The following UBR3 variants were observed in gnomAD, a reference collection of about 807,000 sequenced individuals.
UBR3 encodes the protein E3 ubiquitin-protein ligase UBR3.
In UBR3, 85 loss-of-function variants were observed where a neutral mutation model predicts 243.2. The observed-to-expected ratio is 0.35, with a 90% CI of 0.29 to 0.42. The LOEUF (loss-of-function observed/expected upper bound fraction) is 0.42, where lower values mean the gene tolerates loss of function less well. UBR3 is among the 10% of genes least tolerant of loss of function. The probability of loss-of-function intolerance (pLI) is 1.00; values close to 1 mark genes in which losing one functional copy is unlikely to be tolerated. For synonymous variants in UBR3, 748 were observed against 799.8 expected, an observed-to-expected ratio of 0.94 and a Z score of 1.09; for missense variants, 1,686 against 2,300.8, an observed-to-expected ratio of 0.73 and a Z score of 5.47.
At chr2:169,989,146 A>T (rs1296518823) in intron 25 of UBR3, among the ~76,000 whole-genome samples, 1 of 152,228 alleles carries the variant, frequency 6.6e-6, no homozygotes, top group Non-Finnish European at 1.5e-5. Flanking sequence ...TAGACATCAT[A>T]TAATTTCATC....
intron 25 of UBR3, among the ~76,000 whole-genome samples, chr2:169,987,991 C>T (rs370125631): frequency 2.0e-5 from 3 of 152,070 alleles, no homozygotes; most frequent in Admixed American, 1.3e-4. Flanking sequence ...CTAGTAAATT[C>T]GTTTCTTCTG....
chr2:169,846,892 C>G (rs2082498626), intron 1 of UBR3, among the ~76,000 whole-genome samples: 1 of 152,034 alleles, frequency 6.6e-6, no homozygotes, highest in Non-Finnish European at 1.5e-5. Flanking sequence ...GCTACCACAC[C>G]CAGTGAAATT....
intron 1 of UBR3, among the ~76,000 whole-genome samples, chr2:169,852,710 G>C (rs891071322): frequency 6.6e-6 from 1 of 151,412 alleles, no homozygotes; most frequent in African/African-American, 2.4e-5. Flanking sequence ...AAAAAGCTGG[G>C]TGTGGTGGCA....
At chr2:169,941,972 A>G (rs956822867) in intron 19 of UBR3, among the ~76,000 whole-genome samples, 2 of 152,218 alleles carry the variant, frequency 1.3e-5, no homozygotes, top group African/African-American at 4.8e-5. Context: ...TGAGCCCAAC[A>G]TACCTTGTGA....
chr2:169,884,155 A>G (rs553937699), intron 5 of UBR3, among the ~76,000 whole-genome samples: 2 of 139,212 alleles, frequency 1.4e-5, no homozygotes, highest in East Asian at 4.1e-4. Flanking sequence ...TGGAGAGCTG[A>G]CTTTTTTTTT....
At chr2:169,892,923 G>C (rs1001132292) in intron 6 of UBR3, among the ~76,000 whole-genome samples, 2 of 152,168 alleles carry the variant, frequency 1.3e-5, no homozygotes, top group African/African-American at 2.4e-5. Context: ...CTTGAACTCT[G>C]CTCTCTTAAT....
intron 24 of UBR3, among the ~76,000 whole-genome samples, chr2:169,971,277 C>T (rs1032680939): frequency 0.012 from 1,761 of 151,218 alleles, 48 homozygotes; most frequent in African/African-American, 0.039. Flanking sequence ...CTGTAGGTTG[C>T]CTGTTCACTC....
At chr2:169,977,426 T>A (rs953660618) in intron 24 of UBR3, among the ~76,000 whole-genome samples, 3 of 152,162 alleles carry the variant, frequency 2.0e-5, no homozygotes, top group Non-Finnish European at 2.9e-5. Flanking sequence ...CCATGGTTCA[T>A]TCCAAGTCTA....
intron 24 of UBR3, among the ~76,000 whole-genome samples, chr2:169,986,260 T>C (rs1050790720): frequency 6.6e-6 from 1 of 152,190 alleles, no homozygotes; most frequent in African/African-American, 2.4e-5. Flanking sequence ...TGTCATGTTG[T>C]TGTGAATAAC....
intron 1 of UBR3, among the ~76,000 whole-genome samples, chr2:169,842,849 G>A (rs2082345068): frequency 6.6e-6 from 1 of 152,190 alleles, no homozygotes; most frequent in Non-Finnish European, 1.5e-5. Flanking sequence ...ACCAATTCTG[G>A]ACACAGTAGG....
chr2:169,914,867 TGTGTG>T (rs368110776), intron 11 of UBR3, among the ~76,000 whole-genome samples: 61,186 of 146,286 alleles, frequency 0.42, 13,980 homozygotes, highest in Non-Finnish European at 0.54. Flanking sequence ...TGTGTGTGTG[TGTGTG>T]TTTTTTTTCC....
intron 32 of UBR3, among the ~76,000 whole-genome samples, chr2:170,041,459 A>G (rs2090967051): frequency 6.6e-6 from 1 of 152,182 alleles, no homozygotes; most frequent in Non-Finnish European, 1.5e-5. Flanking sequence ...GCCTTTATCT[A>G]TGTGCATACA....
Position 169,891,153 on chromosome 2 carries a change from A to G in UBR3, c.1039-12A>G, listed in dbSNP as rs982393102. 6.5e-7 allele frequency: 1 copy of G among 1,544,682 alleles called. No homozygotes were observed. The highest frequency in any genetic ancestry group is 8.8e-7 in the Non-Finnish European group (1 of 1,141,800). On this transcript the variant is annotated splice_polypyrimidine_tract_variant and intron_variant, in intron 5 of 38. Transcript: ENST00000272793. ...TGTGACTGTGTATAATGCTAATATT[A>G]TTTTCCTTCAGGATGATCAGGATGG...
rs556399790 is a variant in UBR3, at chr2:170,083,214, AATGAC to A, written c.*1379_*1383del. ...GATCCATGTTCTAAAAAATTTTTGT[AATGAC>A]ATGACATTACAAGAGTATAAAAATG... On this transcript the variant is annotated 3_prime_UTR_variant, in exon 39 of 39. Coordinates refer to ENST00000272793, the MANE Select transcript of UBR3 (RefSeq NM_172070.4). 3.3e-4 allele frequency: 51 copies of A among 152,714 alleles called. No individual in the cohort carries two copies. The highest frequency in any genetic ancestry group is 1.0e-3 in the African/African-American group (42 of 41,582). 9.5% of individuals were successfully genotyped at this position (152,714 alleles called of 1,614,324 possible). A position where few individuals can be genotyped will look rare whatever the true frequency, so the allele number is the denominator to read the frequency against.
intron 1 of UBR3, among the ~76,000 whole-genome samples, chr2:169,839,212 T>G (rs2082210068): frequency 6.6e-6 from 1 of 152,230 alleles, no homozygotes; most frequent in Non-Finnish European, 1.5e-5. Flanking sequence ...ATCTTGTCAT[T>G]TGTAGCAACA....
intron 30 of UBR3, among the ~76,000 whole-genome samples, chr2:170,025,117 A>G (rs2090493728): frequency 6.6e-6 from 1 of 152,180 alleles, no homozygotes; most frequent in Admixed American, 6.5e-5. Context: ...TAGATATATA[A>G]TGCTCAGACT....
intron 24 of UBR3, among the ~76,000 whole-genome samples, chr2:169,977,905 G>A (rs568918456): frequency 6.6e-6 from 1 of 152,230 alleles, no homozygotes; most frequent in East Asian, 1.9e-4. Flanking sequence ...ATTGATATCT[G>A]TACATCTTGT....
chr2:169,913,422 C>G (rs2085335303), intron 10 of UBR3, among the ~76,000 whole-genome samples: 2 of 148,650 alleles, frequency 1.3e-5, no homozygotes, highest in Admixed American at 6.8e-5. Flanking sequence ...TAATTTAGAA[C>G]TCGCCTATTT....
intron 23 of UBR3, among the ~76,000 whole-genome samples, chr2:169,954,310 G>A (rs6753404): frequency 0.21 from 31,170 of 151,656 alleles, 3,579 homozygotes; most frequent in East Asian, 0.37. Context: ...GTATGATCAC[G>A]GCTCACTGCA....
Sources: allele counts gnomAD v4.1 joint callset (sites outside exome capture counted in the v4.1 genomes callset), GRCh38; gene constraint gnomAD v4.1.1; transcripts MANE v1.5; gene names NCBI Gene and HGNC (gene_info 2026-07-23, HGNC 2026-07-21).